Variants in GRIP1 observed in about 807,000 individuals in gnomAD.
GRIP1 encodes the protein glutamate receptor-interacting protein 1.
GRIP1 carries 45 observed loss-of-function variants against 129.9 expected under a neutral mutation model. That is an observed-to-expected ratio of 0.35 (90% CI 0.27 to 0.44). GRIP1 has a LOEUF of 0.44. GRIP1 is among the 20% of genes least tolerant of loss of function. The probability of loss-of-function intolerance (pLI) is 1.00; values close to 1 mark genes in which losing one functional copy is unlikely to be tolerated. For synonymous variants in GRIP1, 530 were observed against 520.8 expected (o/e 1.02, Z -0.24); for missense variants, 1,196 against 1,396.8 (o/e 0.86, Z 2.29).
At chr12:66,677,644 T>C (rs35756361) in intron 1 of GRIP1, among the ~76,000 whole-genome samples, 21,634 of 152,142 alleles carry the variant, frequency 0.14, 1,595 homozygotes, top group Admixed American at 0.16. Flanking sequence ...CAAAGTACCT[T>C]TTAAAGGACT....
chr12:66,464,818 C>CTGTG (rs66669633), intron 8 of GRIP1, among the ~76,000 whole-genome samples: 16,034 of 150,512 alleles, frequency 0.11, 1,120 homozygotes, highest in Admixed American at 0.21. Flanking sequence ...GGCAAGAGAA[C>CTGTG]TGTGTGTGTG....
chr12:66,985,787 G>C (rs533199940), intron 1 of GRIP1, among the ~76,000 whole-genome samples: 1 of 152,220 alleles, frequency 6.6e-6, no homozygotes, highest in African/African-American at 2.4e-5. Flanking sequence ...CAAAATCTTG[G>C]TTTGTTTTAT....
chr12:66,589,323 T>C (rs556736502), intron 2 of GRIP1, among the ~76,000 whole-genome samples: 59 of 152,170 alleles, frequency 3.9e-4, no homozygotes, highest in African/African-American at 1.3e-3. Flanking sequence ...TGGCGTAATA[T>C]TGTTCAACTT....
intron 1 of GRIP1, among the ~76,000 whole-genome samples, chr12:66,647,768 C>G (rs1444111235): frequency 6.6e-6 from 1 of 152,164 alleles, no homozygotes; most frequent in East Asian, 1.9e-4. Flanking sequence ...TCATGATCGT[C>G]TTTTTCCTCC....
At chr12:66,541,793 G>A in intron 3 of GRIP1, 22 bp downstream of exon 3, 1 of 1,612,106 alleles carries the variant, frequency 6.2e-7, no homozygotes, top group Non-Finnish European at 8.5e-7. Flanking sequence ...CCTTTCAGTA[G>A]ATTTCCCCAA....
intron 1 of GRIP1, among the ~76,000 whole-genome samples, chr12:66,676,626 T>A (rs1309496887): frequency 6.6e-6 from 1 of 151,674 alleles, no homozygotes; most frequent in Non-Finnish European, 1.5e-5. Flanking sequence ...GAAGAGTGAG[T>A]GTTAGGTGGA....
intron 7 of GRIP1, among the ~76,000 whole-genome samples, chr12:66,482,329 G>A (rs2138574712): frequency 6.6e-6 from 1 of 152,258 alleles, no homozygotes; most frequent in East Asian, 1.9e-4. Flanking sequence ...TGACATGGCT[G>A]GGATGAGCTT....
At chr12:66,753,399 C>T (rs1339147073) in intron 1 of GRIP1, among the ~76,000 whole-genome samples, 4 of 152,154 alleles carry the variant, frequency 2.6e-5, no homozygotes, top group Non-Finnish European at 5.9e-5. Flanking sequence ...GGTAAAGTAA[C>T]AGTAGGAAGA....
chr12:66,429,979 TTCTG>T (rs2058099622), intron 14 of GRIP1, among the ~76,000 whole-genome samples: 1 of 152,216 alleles, frequency 6.6e-6, no homozygotes, highest in Non-Finnish European at 1.5e-5. Flanking sequence ...TCAGTCTTTC[TTCTG>T]TCTATGCATC....
chr12:66,477,312 A>C (rs1032342180), intron 7 of GRIP1, among the ~76,000 whole-genome samples: 15 of 152,074 alleles, frequency 9.9e-5, no homozygotes, highest in Admixed American at 5.9e-4. Context: ...CTAGGAATCC[A>C]ACTTACAAGG....
At chr12:66,369,880 C>A (rs1448642249) in intron 23 of GRIP1, among the ~76,000 whole-genome samples, 1 of 152,152 alleles carries the variant, frequency 6.6e-6, no homozygotes, top group African/African-American at 2.4e-5. Flanking sequence ...ATGTGACTTA[C>A]CCATCAGACA....
At chr12:66,668,322 T>G (rs2033903185) in intron 1 of GRIP1, among the ~76,000 whole-genome samples, 3 of 152,214 alleles carry the variant, frequency 2.0e-5, no homozygotes, top group Non-Finnish European at 4.4e-5. Context: ...ACGAAATTCA[T>G]TTTTGATCTG....
chr12:66,430,793 T>C (rs1477911170), intron 14 of GRIP1, among the ~76,000 whole-genome samples: 2 of 152,204 alleles, frequency 1.3e-5, no homozygotes, highest in East Asian at 3.8e-4. Context: ...AAAATAACTG[T>C]GTGGCAGTGG....
chr12:66,438,526 T>C (rs1028794873), intron 13 of GRIP1, among the ~76,000 whole-genome samples: 4 of 133,960 alleles, frequency 3.0e-5, no homozygotes, highest in Admixed American at 7.6e-5. Flanking sequence ...TTTTTTTTTT[T>C]GCTCTGTTGC....
chr12:66,588,814 C>A (rs2063738232), intron 2 of GRIP1, among the ~76,000 whole-genome samples: 1 of 150,810 alleles, frequency 6.6e-6, no homozygotes. Flanking sequence ...ACTAAAAATA[C>A]AAAAATTAGC....
intron 1 of GRIP1, among the ~76,000 whole-genome samples, chr12:66,860,944 C>T (rs10878515): frequency 0.25 from 37,832 of 151,678 alleles, 5,060 homozygotes; most frequent in East Asian, 0.52. Context: ...CATTCAAGGC[C>T]ATTACACTAT....
intron 20 of GRIP1, among the ~76,000 whole-genome samples, chr12:66,378,235 A>G (rs1357762702): frequency 6.7e-6 from 1 of 150,072 alleles, no homozygotes; most frequent in Non-Finnish European, 1.5e-5. Flanking sequence ...TGAGGTCAGG[A>G]GTTTGAGACC....
At chr12:66,608,517 G>A (rs2064644092) in intron 1 of GRIP1, among the ~76,000 whole-genome samples, 1 of 152,096 alleles carries the variant, frequency 6.6e-6, no homozygotes, top group Non-Finnish European at 1.5e-5. Flanking sequence ...ATTTTTAGTA[G>A]AGATGGGGTT....
intron 1 of GRIP1, among the ~76,000 whole-genome samples, chr12:66,818,917 T>C (rs573075587): frequency 6.6e-5 from 10 of 152,324 alleles, no homozygotes; most frequent in South Asian, 2.1e-4. Context: ...TGGTTTACTG[T>C]TATTTTCTGC....
Sources: allele counts gnomAD v4.1 joint callset (sites outside exome capture counted in the v4.1 genomes callset), GRCh38; gene constraint gnomAD v4.1.1; transcripts MANE v1.5; gene names NCBI Gene and HGNC (gene_info 2026-07-23, HGNC 2026-07-21).